The following C2orf81 variants were observed in gnomAD, a reference collection of about 807,000 sequenced individuals.
C2orf81 encodes the protein chromosome 2 open reading frame 81.
A neutral mutation model predicts 7.9 loss-of-function variants in C2orf81; 5 were observed. The ratio of observed to expected loss-of-function variants is 0.63; its 90% CI spans 0.33 to 1.33. C2orf81 has a LOEUF of 1.33. Among genes scored for constraint, C2orf81 ranks in the 40% most tolerant of loss-of-function variants. C2orf81 has a pLI of 0.05. For missense variants in C2orf81, 781 were observed against 830.4 expected (o/e 0.94, Z 0.73); for synonymous variants, 346 against 367.4 (o/e 0.94, Z 0.66).
chr2:74,414,270 A>G lies in C2orf81; in HGVS notation c.*59T>C. On this transcript the variant is annotated 3_prime_UTR_variant, in exon 3 of 3. Coordinates refer to ENST00000684111, the MANE Select transcript of C2orf81 (RefSeq NM_001316764.3). This position sits in a 1 kb window ranked among gnomAD's most constrained non-coding sequence, Gnocchi z 5.3. ...GGCTCAGGGATCAGAGGGAGGCAGC[A>G]GGCTTAGAGGAGCGTGACCACACTT... The G allele has an allele frequency of 7.2e-7, 1 of 1,387,484 alleles. No individual in the cohort carries two copies. Among genetic ancestry groups the G allele is most frequent in the Non-Finnish European group, 9.4e-7 (1 of 1,062,480 alleles). The allele number at this position is 1,387,484 out of a possible 1,614,324, so 85.9% of individuals were successfully genotyped here. A position where few individuals can be genotyped will look rare whatever the true frequency, so the allele number is the denominator to read the frequency against.
At position 74,418,576 on chromosome 2, in the gene C2orf81, G is replaced by A. The variant is rs1051897439; in HGVS notation, c.19-2335C>T. The A allele has an allele frequency of 7.5e-6, 5 of 670,092 alleles. 1 individual carries two copies. In the Admixed American group the frequency reaches 1.2e-4, roughly 16 times the overall value. The allele number at this position is 670,092 out of a possible 1,614,324, so 41.5% of individuals were successfully genotyped here. On this transcript the variant is annotated intron_variant, in intron 1 of 2. Transcript: ENST00000684111. ...TGAGGACAGGCCAGTCTCCACCGCA[G>A]CCGCCCCTGGTCGCAAATGCGGATG...
In C2orf81 at chr2:74,415,246, C is replaced by T. The variant is rs972828164; in HGVS notation, c.931G>A (p.Asp311Asn). The part of the protein sequence containing the change: ...EDLYCCMPQL[D>N]AAGDRLELRS... ...AGTTCCAGCCGATCCCCAGCCGCGT[C>T]CAGTTGAGGCATGCAACAGTAGAGG... is the stretch of plus-strand genomic sequence containing the variant. The change falls in exon 3 of 3, where the codon GAC (aspartate) becomes AAC (asparagine). Residue 311 changes from aspartate to asparagine, a missense_variant. Coordinates refer to ENST00000684111, the MANE Select transcript of C2orf81 (RefSeq NM_001316764.3). The surrounding 1 kb of genome is among the most constrained non-coding windows in gnomAD (Gnocchi z 5.5). 1.9e-6 allele frequency: 3 copies of T among 1,551,262 alleles called. No homozygotes were observed. Among genetic ancestry groups the T allele is most frequent in the East Asian group, 4.9e-5 (2 of 40,914 alleles).
rs779226498 is a variant in C2orf81, at chr2:74,415,882, T to C, written c.295A>G (p.Ile99Val). The stretch of plus-strand genomic sequence containing the variant: ...CGGGCCAGGAAGCGCCACTCGGTGA[T>C]CTGCAGCATGGCCTCCCGGGCCTGG... ...ISQAREAMLQ[I>V]TEWRFLARDE... is the part of the protein sequence containing the mutation. Residue 99 changes from isoleucine to valine, a missense_variant, in exon 3 of 3, where the codon ATC (isoleucine) becomes GTC (valine). By Grantham distance (29) the Ile-to-Val change is conservative. Transcript: ENST00000684111. The surrounding 1 kb of genome is among the most constrained non-coding windows in gnomAD (Gnocchi z 5.5). 1.3e-5 allele frequency: 20 copies of C among 1,550,560 alleles called. No individual in the cohort carries two copies. The South Asian group carries it at 2.0e-4, about 16-fold the overall frequency.
Position 74,415,623 on chromosome 2 carries a change from G to A in C2orf81, c.554C>T (p.Pro185Leu). 1 of 1,551,138 alleles carries A rather than the reference G, an allele frequency of 6.4e-7. No individual in the cohort carries two copies. The highest frequency in any genetic ancestry group is 8.7e-7 in the Non-Finnish European group (1 of 1,147,006). The change falls in exon 3 of 3, where the codon CCC becomes CTC. Residue 185 changes from proline to leucine, a missense_variant. Pro to Leu is a moderately conservative substitution (Grantham distance 98). Transcript: ENST00000684111. This position sits in a 1 kb window ranked among gnomAD's most constrained non-coding sequence, Gnocchi z 5.5. ...FPTSHCPSAFPQDPGGVDRIP... is the reference protein window; with the variant it reads ...FPTSHCPSAFLQDPGGVDRIP... ...CCGGTCCACGCCCCCAGGGTCCTGG[G>A]GAAATGCACTCGGGCAGTGAGATGT...
chr2:74,414,384 G>A lies in C2orf81; in HGVS notation c.1793C>T (p.Thr598Ile). The change falls in exon 3 of 3, where the codon ACC becomes ATC. Residue 598 changes from threonine (T) to isoleucine (I), a missense_variant. By Grantham distance (89) the Thr-to-Ile change is moderately conservative (BLOSUM62 -1). Transcript: ENST00000684111. This position sits in a 1 kb window ranked among gnomAD's most constrained non-coding sequence, Gnocchi z 5.3. Reference sequence around the variant, plus strand: ...GGGATGTTGCTCAACGGGAGGAAAGGTGCTACCTTCTTTGTCCTCTTGTTC... The same window carrying A: ...GGGATGTTGCTCAACGGGAGGAAAGATGCTACCTTCTTTGTCCTCTTGTTC... ...VPEQEDKEGS[T>I]FPPVEQHPIQ... The A allele has an allele frequency of 6.5e-7, 1 of 1,532,864 alleles. No individual in the cohort carries two copies. Among genetic ancestry groups the A allele is most frequent in the Non-Finnish European group, 8.8e-7 (1 of 1,135,402 alleles). 95.0% of individuals were successfully genotyped at this position (1,532,864 alleles called of 1,614,324 possible). A position where few individuals can be genotyped will look rare whatever the true frequency, so the allele number is the denominator to read the frequency against.
chr2:74,414,564 TCCTGG>T lies in C2orf81; in HGVS notation c.1608_1612del (p.Gln537SerfsTer13), dbSNP rs1408182157. The T allele has an allele frequency of 1.3e-6, 2 of 1,541,734 alleles. No homozygotes were observed. Among genetic ancestry groups the T allele is most frequent in the South Asian group, 2.4e-5 (2 of 83,202 alleles). ...TGTGGTTCGAGGCCATCTGCCAGGA[TCCTGG>T]CCCTCCCTGTCTGCCAGCTCCAGAC... On this transcript the variant is annotated frameshift_variant, in exon 3 of 3. Transcript: ENST00000684111. LOFTEE classifies it low-confidence loss of function (END_TRUNC). The surrounding 1 kb of genome is among the most constrained non-coding windows in gnomAD (Gnocchi z 5.3).
In C2orf81 at chr2:74,415,986, C is replaced by G; in HGVS notation, c.249+25G>C. On this transcript the variant is annotated intron_variant, in intron 2 of 2. Transcript: ENST00000684111. The surrounding 1 kb of genome is among the most constrained non-coding windows in gnomAD (Gnocchi z 5.5). ...GGAGGGGCGGGAGAGGGAGACGAGT[C>G]TGAAGGACCCGGATCCCGGCCCACC... 6.5e-7 allele frequency: 1 copy of G among 1,549,360 alleles called. No individual in the cohort carries two copies. Among genetic ancestry groups the G allele is most frequent in the Admixed American group, 2.0e-5 (1 of 50,980 alleles).
In C2orf81 at chr2:74,420,772, CTTTTTTTTTTTTTTTT is replaced by C. The variant is rs745827470; in HGVS notation, c.18+755_18+770del. ...CAAATCCGTTTTCTTTCTTCTTCTTCTTTTTTTTTTTTTTTTTTTTTTTTTTTTGAGACAGTCTCTC... is the reference window on the plus strand; with the variant it reads ...CAAATCCGTTTTCTTTCTTCTTCTTCTTTTTTTTTTTTGAGACAGTCTCTC... On this transcript the variant is annotated intron_variant, in intron 1 of 2. Transcript: ENST00000684111. Among the ~76,000 whole-genome samples the C allele has an allele frequency of 1.3e-3, 95 of 72,740 alleles. No homozygotes were observed. In the East Asian group the frequency reaches 0.043, roughly 33 times the overall value. The allele number at this position is 72,740 out of a possible 152,430, so 47.7% of individuals were successfully genotyped here.
chr2:74,414,861 G>C lies in C2orf81; in HGVS notation c.1316C>G (p.Pro439Arg). The C allele has an allele frequency of 6.4e-7, 1 of 1,550,602 alleles. No homozygotes were observed. Among genetic ancestry groups the C allele is most frequent in the Non-Finnish European group, 8.7e-7 (1 of 1,146,270 alleles). ...GTCCAAGTCACGGAAAGGAATGCCT[G>C]GCCGGAGAGGGAAGAACGCTGCCGG... ...VSPAAFFPLR[P>R]GIPFRDLDSG... The change falls in exon 3 of 3, where the codon CCA becomes CGA. Residue 439 changes from proline to arginine, a missense_variant. Physicochemically the swap from Pro to Arg is moderately radical, Grantham distance 103 (BLOSUM62 -2). Coordinates refer to ENST00000684111, the MANE Select transcript of C2orf81 (RefSeq NM_001316764.3). The surrounding 1 kb of genome is among the most constrained non-coding windows in gnomAD (Gnocchi z 5.3).
chr2:74,416,491 C>T lies in C2orf81; in HGVS notation c.19-250G>A, dbSNP rs1235614695. The T allele has an allele frequency of 3.7e-5, 11 of 300,070 alleles. No homozygotes were observed. The Admixed American group carries it at 5.2e-4, about 14-fold the overall frequency. 18.6% of individuals were successfully genotyped at this position (300,070 alleles called of 1,614,324 possible). A position where few individuals can be genotyped will look rare whatever the true frequency, so the allele number is the denominator to read the frequency against. ...CTGAGGAAGGAGAGTCACTTGAACCCGGGAGATGGAGGTTGCAGTGAGCAG... is the reference window on the plus strand; with the variant it reads ...CTGAGGAAGGAGAGTCACTTGAACCTGGGAGATGGAGGTTGCAGTGAGCAG... On this transcript the variant is annotated intron_variant, in intron 1 of 2. Coordinates refer to ENST00000684111, the MANE Select transcript of C2orf81 (RefSeq NM_001316764.3).
intron 1 of C2orf81, chr2:74,418,429 C>G: frequency 6.4e-7 from 1 of 1,564,720 alleles, no homozygotes; most frequent in Non-Finnish European, 8.8e-7. Flanking sequence ...GGACTTCGAG[C>G]TCGACTCGCT....
rs1471090703 is a variant in C2orf81 at position 74,414,932 on chromosome 2, C to T, written c.1245G>A (p.Lys415=). The T allele has an allele frequency of 1.3e-6, 2 of 1,545,604 alleles. No homozygotes were observed. Among genetic ancestry groups the T allele is most frequent in the Admixed American group, 2.0e-5 (1 of 50,746 alleles). Residue 415 remains lysine (K), a synonymous_variant, in exon 3 of 3, where the codon AAG becomes AAA. Coordinates refer to ENST00000684111, the MANE Select transcript of C2orf81 (RefSeq NM_001316764.3). This position sits in a 1 kb window ranked among gnomAD's most constrained non-coding sequence, Gnocchi z 5.3. The part of the protein sequence containing the change: ...YRGRQRGEKT[K]ARAEPQALGP... ...CGAGGGCTTGGGGTTCGGCCCGGGC[C>T]TTGGTCTTCTCGCCCCGCTGGCGTC...
Position 74,414,431 on chromosome 2 carries a change from C to T in C2orf81, c.1746G>A (p.Val582=), listed in dbSNP as rs1676378826. The T allele has an allele frequency of 6.4e-7, 1 of 1,551,006 alleles. No individual in the cohort carries two copies. The highest frequency in any genetic ancestry group is 2.0e-5 in the Admixed American group (1 of 50,974). ...GTTCAGGCACACCAGAGCTGAGCAA[C>T]ACCTGGGTGCTCCGGTTCCACATGC... is the stretch of plus-strand genomic sequence containing the variant. ...GVSMWNRSTQ[V]LLSSGVPEQE... Residue 582 remains valine, a synonymous_variant, in exon 3 of 3, where the codon GTG becomes GTA. Coordinates refer to ENST00000684111, the MANE Select transcript of C2orf81 (RefSeq NM_001316764.3). This position sits in a 1 kb window ranked among gnomAD's most constrained non-coding sequence, Gnocchi z 5.3.
In C2orf81 at chr2:74,415,150, G is replaced by T; in HGVS notation, c.1027C>A (p.Arg343Ser). Residue 343 changes from arginine to serine, a missense_variant, in exon 3 of 3, where the codon CGC becomes AGC. By Grantham distance (110) the Arg-to-Ser change is moderately radical (BLOSUM62 -1). Coordinates refer to ENST00000684111, the MANE Select transcript of C2orf81 (RefSeq NM_001316764.3). This position sits in a 1 kb window ranked among gnomAD's most constrained non-coding sequence, Gnocchi z 5.5. ...TGCTGCTGGCAGGACGCGGAGGGGCGGGTGGCGCCGCCCACAGAGGGGTAG... is the reference window on the plus strand; with the variant it reads ...TGCTGCTGGCAGGACGCGGAGGGGCTGGTGGCGCCGCCCACAGAGGGGTAG... ...VSYPSVGGAT[R>S]PSASCQQQRA... 6.5e-7 allele frequency: 1 copy of T among 1,537,104 alleles called. No homozygotes were observed. The highest frequency in any genetic ancestry group is 2.0e-5 in the Admixed American group (1 of 49,310).
Position 74,415,113 on chromosome 2 carries a change from TGC to T in C2orf81, c.1062_1063del (p.His355LeufsTer36). 3 of 1,513,414 alleles carry T rather than the reference TGC, an allele frequency of 2.0e-6. No individual in the cohort carries two copies. Among genetic ancestry groups the T allele is most frequent in the Non-Finnish European group, 2.6e-6 (3 of 1,143,116 alleles). 93.7% of individuals were successfully genotyped at this position (1,513,414 alleles called of 1,614,324 possible). ...GTGGGCGCTCAGCCGCACATCCGAG[TGC>T]CCGGCCCGCTGCTGCTGGCAGGACG... On this transcript the variant is annotated frameshift_variant, in exon 3 of 3. Transcript: ENST00000684111. LOFTEE classifies it low-confidence loss of function (END_TRUNC). The surrounding 1 kb of genome is among the most constrained non-coding windows in gnomAD (Gnocchi z 5.5).
At chr2:74,421,344 A>C (rs1027169420) in intron 1 of C2orf81, among the ~76,000 whole-genome samples, 199 bp downstream of exon 1, 2 of 152,186 alleles carry the variant, frequency 1.3e-5, no homozygotes, top group Non-Finnish European at 2.9e-5. Flanking sequence ...TGAGTGTAAC[A>C]AAGCGTTTGA....
intron 1 of C2orf81, chr2:74,416,565 C>CAAAAAAAAAAAAAAAA (rs59349435): frequency 1.1e-3 from 56 of 52,044 alleles, no homozygotes; most frequent in Non-Finnish European, 1.8e-3. Context: ...GACTGCGTCT[C>CAAAAAAAAAAAAAAAA]AAAAAAAAAA....
rs978630025 is a variant in C2orf81, at chr2:74,414,662, G to A, written c.1515C>T (p.Ser505=). The A allele has an allele frequency of 2.0e-5, 31 of 1,548,516 alleles. No homozygotes were observed. Among genetic ancestry groups the A allele is most frequent in the Non-Finnish European group, 2.5e-5 (29 of 1,145,092 alleles). Residue 505 remains serine, a synonymous_variant, in exon 3 of 3, where the codon AGC becomes AGT. Transcript: ENST00000684111. The surrounding 1 kb of genome is among the most constrained non-coding windows in gnomAD (Gnocchi z 5.3). The stretch of plus-strand genomic sequence containing the variant: ...GCAGCTCGGCCTTCCCCTCCCAACC[G>A]CTGGGCCACCTGACACTGGGCCACA... ...PKLWPSVRWP[S]GWEGKAELLG... is the part of the protein sequence containing the mutation.
Position 74,420,760 on chromosome 2 carries a change from TTTCTTC to T in C2orf81, c.18+777_18+782del, listed in dbSNP as rs1223428800. 5.2e-4 allele frequency among the ~76,000 whole-genome samples: 76 copies of T among 147,452 alleles called. 1 individual carries two copies. The highest frequency in any genetic ancestry group is 1.8e-3 in the African/African-American group (70 of 38,388). On this transcript the variant is annotated intron_variant, in intron 1 of 2. Coordinates refer to ENST00000684111, the MANE Select transcript of C2orf81 (RefSeq NM_001316764.3). Reference sequence around the variant, plus strand: ...ACAAAGGCTCTTCAAATCCGTTTTCTTTCTTCTTCTTCTTTTTTTTTTTTTTTTTTT... The same window carrying T: ...ACAAAGGCTCTTCAAATCCGTTTTCTTTCTTCTTTTTTTTTTTTTTTTTTT...
Sources: gnomAD v4.1 joint callset for allele counts (sites outside exome capture counted in the v4.1 genomes callset) on GRCh38, gnomAD v4.1.1 for gene constraint, Gnocchi (gnomAD v3.1) non-coding constraint, MANE v1.5 for transcripts, NCBI Gene and HGNC (gene_info 2026-07-23, HGNC 2026-07-21) for gene names.